The following AFAP1 variants were observed in gnomAD, a reference collection of about 807,000 sequenced individuals.
The protein encoded by AFAP1 is actin filament-associated protein 1.
In AFAP1, 75 loss-of-function variants were observed where a neutral mutation model predicts 93.9. The observed-to-expected ratio is 0.80, with a 90% CI of 0.66 to 0.97. The LOEUF (loss-of-function observed/expected upper bound fraction) is 0.97. AFAP1 is among the 50% of genes least tolerant of loss of function. The pLI is 0.00. For missense variants in AFAP1, 1,201 were observed against 1,050.8 expected (o/e 1.14, Z -1.98); for synonymous variants, 517 against 430.7 (o/e 1.20, Z -2.48).
chr4:7,843,424 T>C lies in AFAP1; in HGVS notation c.335-74A>G, dbSNP rs996258489. On this transcript the variant is annotated intron_variant, in intron 4 of 17. Coordinates refer to ENST00000420658, the MANE Select transcript of AFAP1 (RefSeq NM_001134647.2). ...GTTTACCCGTGGGCTCAAGAGCACGTCCTCTTATTTTTAATCACCAAGTAA... is the reference window on the plus strand; with the variant it reads ...GTTTACCCGTGGGCTCAAGAGCACGCCCTCTTATTTTTAATCACCAAGTAA... The C allele has an allele frequency of 8.9e-6, 12 of 1,349,760 alleles. No homozygotes were observed. The Admixed American group carries it at 3.1e-4, about 35-fold the overall frequency. The allele number at this position is 1,349,760 out of a possible 1,614,324, so 83.6% of individuals were successfully genotyped here.
At chr4:7,818,164 A>G (rs915694387) in intron 7 of AFAP1, among the ~76,000 whole-genome samples, 5 of 152,108 alleles carry the variant, frequency 3.3e-5, no homozygotes, top group Non-Finnish European at 5.9e-5. Context: ...CCTCAGTGGA[A>G]GAAAAACACT....
chr4:7,780,068 G>A (rs1380869885), intron 13 of AFAP1, among the ~76,000 whole-genome samples: 1 of 152,180 alleles, frequency 6.6e-6, no homozygotes, highest in East Asian at 1.9e-4. Context: ...TTTTACCTAA[G>A]GCAACTCTAA....
intron 1 of AFAP1, among the ~76,000 whole-genome samples, chr4:7,931,834 T>TA (rs1442672599): frequency 6.6e-6 from 1 of 152,132 alleles, no homozygotes; most frequent in Admixed American, 6.5e-5. Context: ...AAAGCCAGGT[T>TA]AAAAACCTTA....
intron 1 of AFAP1, among the ~76,000 whole-genome samples, chr4:7,887,041 A>G (rs1276182846): frequency 6.6e-6 from 1 of 152,222 alleles, no homozygotes; most frequent in Non-Finnish European, 1.5e-5. Context: ...ATTCTAGGAA[A>G]GGAAGAATCA....
intron 15 of AFAP1, chr4:7,774,257 C>T (rs1029696710): frequency 6.4e-6 from 1 of 156,140 alleles, no homozygotes; most frequent in East Asian, 1.9e-4. Flanking sequence ...CATCCCAAGA[C>T]AGATGCTGCC....
chr4:7,910,998 G>T (rs190321153), intron 1 of AFAP1, among the ~76,000 whole-genome samples: 1 of 152,268 alleles, frequency 6.6e-6, no homozygotes, highest in African/African-American at 2.4e-5. Flanking sequence ...GGCTGACCCA[G>T]CATTCCCCAG....
chr4:7,911,861 C>T (rs1043964462), intron 1 of AFAP1, among the ~76,000 whole-genome samples: 1 of 152,124 alleles, frequency 6.6e-6, no homozygotes, highest in African/African-American at 2.4e-5. Context: ...TGGAAGGCTA[C>T]CTGGGATATT....
chr4:7,834,136 C>CAT (rs768419225), intron 6 of AFAP1, among the ~76,000 whole-genome samples: 1 of 144,630 alleles, frequency 6.9e-6, no homozygotes, highest in African/African-American at 2.6e-5. Flanking sequence ...CACATATATA[C>CAT]AATGGAATAC....
intron 1 of AFAP1, among the ~76,000 whole-genome samples, chr4:7,906,749 G>C (rs1048772514): frequency 6.6e-6 from 1 of 152,188 alleles, no homozygotes; most frequent in Admixed American, 6.5e-5. Flanking sequence ...GGCCAGGCGC[G>C]GTGGCTCACG....
At chr4:7,923,470 C>G (rs1425723384) in intron 1 of AFAP1, among the ~76,000 whole-genome samples, 1 of 152,118 alleles carries the variant, frequency 6.6e-6, no homozygotes, top group Non-Finnish European at 1.5e-5. Context: ...AGTAGGAGCT[C>G]TCTGCTTTCT....
intron 6 of AFAP1, among the ~76,000 whole-genome samples, chr4:7,829,564 A>T (rs1721711814): frequency 6.6e-6 from 1 of 152,220 alleles, no homozygotes; most frequent in South Asian, 2.1e-4. Flanking sequence ...GGATATAAAC[A>T]CAGTTCACAG....
intron 10 of AFAP1, among the ~76,000 whole-genome samples, chr4:7,795,098 T>A: frequency 6.6e-6 from 1 of 152,194 alleles, no homozygotes; most frequent in East Asian, 1.9e-4. Context: ...ATAATATAAG[T>A]AATTGTAAAT....
At chr4:7,848,047 G>A (rs1362447816) in intron 4 of AFAP1, among the ~76,000 whole-genome samples, 1 of 151,296 alleles carries the variant, frequency 6.6e-6, no homozygotes, top group Non-Finnish European at 1.5e-5. Context: ...ATGTATGGAT[G>A]GATGGACAGG....
At chr4:7,854,584 T>C (rs1259838366) in intron 4 of AFAP1, among the ~76,000 whole-genome samples, 1 of 152,148 alleles carries the variant, frequency 6.6e-6, no homozygotes, top group Non-Finnish European at 1.5e-5. Flanking sequence ...GGTAACAGTA[T>C]AACAACTTTG....
At chr4:7,923,550 C>G (rs1319214133) in intron 1 of AFAP1, among the ~76,000 whole-genome samples, 3 of 152,208 alleles carry the variant, frequency 2.0e-5, no homozygotes, top group Non-Finnish European at 2.9e-5. Flanking sequence ...ACGATCTTGG[C>G]TCACTGCAAC....
chr4:7,799,893 A>G (rs1718859716), intron 10 of AFAP1, among the ~76,000 whole-genome samples: 1 of 152,190 alleles, frequency 6.6e-6, no homozygotes, highest in African/African-American at 2.4e-5. Flanking sequence ...CACCAAGCCC[A>G]GGGCTCCGAA....
intron 1 of AFAP1, among the ~76,000 whole-genome samples, chr4:7,877,539 G>A (rs553562348): frequency 5.4e-4 from 82 of 152,188 alleles, no homozygotes; most frequent in Non-Finnish European, 9.6e-4. Flanking sequence ...TATTATCCCC[G>A]TGTTGTAGGT....
chr4:7,851,950 C>G (rs906224725), intron 4 of AFAP1, among the ~76,000 whole-genome samples: 2 of 152,182 alleles, frequency 1.3e-5, no homozygotes, highest in Admixed American at 6.5e-5. Context: ...TTGCTTCTGA[C>G]CAGGGAACTC....
chr4:7,820,423 C>G (rs1445306122), intron 6 of AFAP1, among the ~76,000 whole-genome samples: 2 of 152,146 alleles, frequency 1.3e-5, no homozygotes, highest in African/African-American at 4.8e-5. Context: ...GGGAAGATGG[C>G]AAGACAGAGA....
Sources: gnomAD v4.1 joint callset for allele counts (sites outside exome capture counted in the v4.1 genomes callset) on GRCh38, gnomAD v4.1.1 for gene constraint, MANE v1.5 for transcripts, NCBI Gene and HGNC (gene_info 2026-07-23, HGNC 2026-07-21) for gene names.